Variants in AGBL4 observed in about 807,000 individuals in gnomAD.
AGBL4 encodes the protein AGBL carboxypeptidase 4.
Under a neutral mutation model 66.4 loss-of-function variants are expected in AGBL4, and 58 were observed. That is an observed-to-expected ratio of 0.87 (90% CI 0.71 to 1.09). AGBL4 has a LOEUF of 1.09. Among genes scored for constraint, AGBL4 ranks in the 50% least tolerant of loss-of-function variants. AGBL4 has a pLI of 0.00. For synonymous variants in AGBL4, 234 were observed against 222.9 expected (o/e 1.05, Z -0.44); for missense variants, 579 against 631.0 (o/e 0.92, Z 0.88).
chr1:49,282,720 G>T (rs1301415711), intron 3 of AGBL4, among the ~76,000 whole-genome samples: 4 of 152,196 alleles, frequency 2.6e-5, no homozygotes, highest in Admixed American at 6.5e-5. Flanking sequence ...AAGCGCAAGG[G>T]GTCAGGGAGT....
chr1:49,355,535 T>C (rs1644002124), intron 3 of AGBL4, among the ~76,000 whole-genome samples: 1 of 152,122 alleles, frequency 6.6e-6, no homozygotes, highest in African/African-American at 2.4e-5. Flanking sequence ...CCCCCCAACA[T>C]GAAAGTGTGT....
At chr1:49,845,811 G>A in intron 2 of AGBL4, 2 of 1,534,518 alleles carry the variant, frequency 1.3e-6, no homozygotes, top group Non-Finnish European at 1.8e-6. Flanking sequence ...AGGAGCGGAT[G>A]CACACAGGAG....
chr1:49,694,363 A>G (rs1380256311), intron 3 of AGBL4, among the ~76,000 whole-genome samples: 1 of 152,140 alleles, frequency 6.6e-6, no homozygotes, highest in East Asian at 1.9e-4. Flanking sequence ...AGAGATATAT[A>G]TTGTATCTTT....
intron 4 of AGBL4, among the ~76,000 whole-genome samples, chr1:49,169,992 C>A (rs1295433123): frequency 1.3e-5 from 2 of 151,844 alleles, no homozygotes; most frequent in Non-Finnish European, 2.9e-5. Flanking sequence ...GGGGGAAGAG[C>A]AGGAGGGGAG....
Position 49,596,022 on chromosome 1 carries a change from T to A in AGBL4, c.282+101291A>T, listed in dbSNP as rs531269702. 9.9e-5 allele frequency among the ~76,000 whole-genome samples: 15 copies of A among 152,196 alleles called. No homozygotes were observed. In the South Asian group the frequency reaches 3.1e-3, roughly 32 times the overall value. On this transcript the variant is annotated intron_variant, in intron 3 of 13. Coordinates refer to ENST00000371839, the MANE Select transcript of AGBL4 (RefSeq NM_032785.4). ...ACTGCCACTCTAGCTTGTACGTTAT[T>A]GTATGAGAGAGGCAGGTTCTAAACA...
In AGBL4 at chr1:49,689,849, T is replaced by C. The variant is rs192764649; in HGVS notation, c.282+7464A>G. ...TTTGGCTACTGCAAATGGGGTTACT[T>C]TTCATGATTTGAGAGGACTGACTCC... On this transcript the variant is annotated intron_variant, in intron 3 of 13. Coordinates refer to ENST00000371839, the MANE Select transcript of AGBL4 (RefSeq NM_032785.4). Among the ~76,000 whole-genome samples the C allele has an allele frequency of 3.5e-3, 534 of 152,352 alleles. 1 individual carries two copies. The highest frequency in any genetic ancestry group is 0.017 in the Middle Eastern group (5 of 294).
At position 49,475,960 on chromosome 1, in the gene AGBL4, T is replaced by G. The variant is rs557960948; in HGVS notation, c.282+221353A>C. Among the ~76,000 whole-genome samples, 16 of 152,204 alleles carry G rather than the reference T, an allele frequency of 1.1e-4. No individual in the cohort carries two copies. In the South Asian group the frequency reaches 3.3e-3, roughly 32 times the overall value. On this transcript the variant is annotated intron_variant, in intron 3 of 13. Transcript: ENST00000371839. The stretch of plus-strand genomic sequence containing the variant: ...GCTCTGGTTTCAGTTATTTCATTTC[T>G]TCCACTAGCTTTGGGTTTAGTTTGT...
chr1:49,734,525 TGAA>T (rs1212859272), intron 2 of AGBL4, among the ~76,000 whole-genome samples: 2 of 151,864 alleles, frequency 1.3e-5, no homozygotes. Context: ...GGAATTAAAA[TGAA>T]GAAAAATTCA....
At chr1:49,806,519 A>T (rs1644980476) in intron 2 of AGBL4, among the ~76,000 whole-genome samples, 1 of 152,226 alleles carries the variant, frequency 6.6e-6, no homozygotes, top group Non-Finnish European at 1.5e-5. Flanking sequence ...AATTTTAAAT[A>T]AAAAAATGAA....
chr1:48,710,840 G>A (rs1646954656), intron 6 of AGBL4, among the ~76,000 whole-genome samples: 1 of 152,042 alleles, frequency 6.6e-6, no homozygotes, highest in Admixed American at 6.5e-5. Flanking sequence ...CCATTATTAG[G>A]ACATAAGGCA....
At chr1:48,597,274 C>G (rs1171504266) in intron 9 of AGBL4, among the ~76,000 whole-genome samples, 1 of 152,144 alleles carries the variant, frequency 6.6e-6, no homozygotes, top group East Asian at 1.9e-4. Context: ...TACTGTGAAC[C>G]TACTATGTTC....
At chr1:49,274,463 T>G (rs150737209) in intron 3 of AGBL4, among the ~76,000 whole-genome samples, 242 of 152,262 alleles carry the variant, frequency 1.6e-3, no homozygotes, top group Non-Finnish European at 2.7e-3. Flanking sequence ...TTTTGGTATA[T>G]GTTAACAGTA....
intron 3 of AGBL4, among the ~76,000 whole-genome samples, chr1:49,565,121 T>C (rs188774016): frequency 8.5e-5 from 13 of 152,348 alleles, no homozygotes; most frequent in Non-Finnish European, 1.2e-4. Context: ...TGAGACAGGA[T>C]TGCAACCCCT....
At chr1:49,231,687 A>G (rs1334980275) in intron 4 of AGBL4, among the ~76,000 whole-genome samples, 10 of 152,150 alleles carry the variant, frequency 6.6e-5, no homozygotes, top group Non-Finnish European at 1.5e-4. Context: ...TTCACCTCAC[A>G]CACACATATA....
intron 2 of AGBL4, among the ~76,000 whole-genome samples, chr1:49,822,858 GCA>G (rs1645405749): frequency 6.6e-6 from 1 of 152,034 alleles, no homozygotes; most frequent in African/African-American, 2.4e-5. Context: ...TTCTACCTGG[GCA>G]CACAAATAGA....
intron 2 of AGBL4, among the ~76,000 whole-genome samples, chr1:49,737,962 G>C (rs1369364267): frequency 6.6e-6 from 1 of 152,212 alleles, no homozygotes; most frequent in Non-Finnish European, 1.5e-5. Flanking sequence ...GGGACTGTTG[G>C]TCAGTGGGTG....
intron 1 of AGBL4, among the ~76,000 whole-genome samples, chr1:49,877,957 G>GA (rs1482977909): frequency 1.6e-4 from 24 of 152,208 alleles, no homozygotes; most frequent in Admixed American, 1.1e-3. Flanking sequence ...AGAGGTGTTT[G>GA]TAGTATTCTC....
chr1:49,327,248 T>C (rs1426473042), intron 3 of AGBL4, among the ~76,000 whole-genome samples: 1 of 152,190 alleles, frequency 6.6e-6, no homozygotes, highest in Admixed American at 6.5e-5. Flanking sequence ...GACATGGACA[T>C]TTTGTGGGGG....
At chr1:49,481,975 C>T (rs998000338) in intron 3 of AGBL4, among the ~76,000 whole-genome samples, 2 of 149,974 alleles carry the variant, frequency 1.3e-5, no homozygotes, top group African/African-American at 4.9e-5. Context: ...GGGAGGAAGC[C>T]TACTAGATCG....
Sources: gnomAD v4.1 joint callset for allele counts (sites outside exome capture counted in the v4.1 genomes callset) on GRCh38, gnomAD v4.1.1 for gene constraint, MANE v1.5 for transcripts, NCBI Gene and HGNC (gene_info 2026-07-23, HGNC 2026-07-21) for gene names.